Variants in FNDC3A observed in about 807,000 individuals in gnomAD.
FNDC3A encodes the protein fibronectin type-III domain-containing protein 3A.
Under a neutral mutation model 148.9 loss-of-function variants are expected in FNDC3A, and 32 were observed. The ratio of observed to expected loss-of-function variants is 0.21; its 90% CI spans 0.16 to 0.29. The LOEUF (loss-of-function observed/expected upper bound fraction) is 0.29. Among genes scored for constraint, FNDC3A ranks in the 10% least tolerant of loss-of-function variants. The pLI is 1.00. For synonymous variants in FNDC3A, 472 were observed against 473.6 expected (o/e 1.00, Z 0.04); for missense variants, 1,191 against 1,452.8 (o/e 0.82, Z 2.93).
chr13:49,202,806 C>A (rs1164133471), intron 24 of FNDC3A, among the ~76,000 whole-genome samples: 1 of 152,106 alleles, frequency 6.6e-6, no homozygotes, highest in Non-Finnish European at 1.5e-5. Context: ...AGTATTGAGA[C>A]CAACGTGGGC....
chr13:49,168,491 C>T, intron 9 of FNDC3A, 122 bp from the exon 10 acceptor site: 2 of 584,054 alleles, frequency 3.4e-6, no homozygotes, highest in South Asian at 3.8e-5. Context: ...TTCTAATAGT[C>T]ATATTTTCTT....
intron 8 of FNDC3A, among the ~76,000 whole-genome samples, chr13:49,165,373 A>G (rs1454206751): frequency 2.0e-5 from 3 of 152,162 alleles, no homozygotes; most frequent in African/African-American, 7.2e-5. Context: ...GTTGGGTAGA[A>G]CACTTTGACT....
intron 1 of FNDC3A, among the ~76,000 whole-genome samples, chr13:48,988,523 A>T (rs764919051): frequency 1.8e-4 from 27 of 152,208 alleles, no homozygotes; most frequent in Non-Finnish European, 2.9e-4. Context: ...GATAAAAGCC[A>T]TAATATAGTA....
In FNDC3A at chr13:49,151,574, G is replaced by GT. The variant is rs1021298027; in HGVS notation, c.977+5647dup. Among the ~76,000 whole-genome samples, 48 of 151,478 alleles carry GT rather than the reference G, an allele frequency of 3.2e-4. No individual in the cohort carries two copies. In the East Asian group the frequency reaches 4.1e-3, roughly 13 times the overall value. Reference sequence around the variant, plus strand: ...AGTAGAAAGTTTTTTGTTTCTTTTTGTTTTTTTTATTATTATTATACTTTA... The same window carrying GT: ...AGTAGAAAGTTTTTTGTTTCTTTTTGTTTTTTTTTATTATTATTATACTTTA... On this transcript the variant is annotated intron_variant, in intron 8 of 25. Transcript: ENST00000492622.
chr13:48,991,642 C>G (rs978360709), intron 1 of FNDC3A, among the ~76,000 whole-genome samples: 5 of 151,352 alleles, frequency 3.3e-5, no homozygotes, highest in African/African-American at 4.9e-5. Flanking sequence ...GAGCTATGCT[C>G]ACACCACTGC....
intron 4 of FNDC3A, among the ~76,000 whole-genome samples, chr13:49,115,211 T>A (rs1455746777): frequency 5.2e-5 from 6 of 115,230 alleles, no homozygotes; most frequent in African/African-American, 9.5e-5. Flanking sequence ...AAAAAAAAAA[T>A]CAGTATCTCC....
intron 4 of FNDC3A, among the ~76,000 whole-genome samples, chr13:49,122,996 A>G (rs1353315791): frequency 2.0e-5 from 3 of 152,196 alleles, no homozygotes; most frequent in Non-Finnish European, 2.9e-5. Context: ...TAGAAAAACT[A>G]CTTTAAATTT....
chr13:49,053,986 T>C (rs748033738), intron 2 of FNDC3A, among the ~76,000 whole-genome samples: 3 of 152,130 alleles, frequency 2.0e-5, no homozygotes, highest in Non-Finnish European at 4.4e-5. Flanking sequence ...TAGAGTCAGG[T>C]TGGAGTTTGG....
At chr13:49,029,292 A>T (rs1416133416) in intron 2 of FNDC3A, among the ~76,000 whole-genome samples, 1 of 152,246 alleles carries the variant, frequency 6.6e-6, no homozygotes, top group Non-Finnish European at 1.5e-5. Context: ...ACAAATATGT[A>T]TAAATTAAAG....
At chr13:49,005,784 A>G (rs369320192) in intron 1 of FNDC3A, among the ~76,000 whole-genome samples, 2 of 152,050 alleles carry the variant, frequency 1.3e-5, no homozygotes, top group East Asian at 1.9e-4. Flanking sequence ...GCCTCACTCA[A>G]TCACTGTATC....
chr13:49,097,895 G>A (rs939844725), intron 3 of FNDC3A, among the ~76,000 whole-genome samples: 1 of 152,086 alleles, frequency 6.6e-6, no homozygotes, highest in Non-Finnish European at 1.5e-5. Flanking sequence ...TGAAATTACA[G>A]TAAATTGTAA....
rs576518824 is a variant in FNDC3A at position 49,063,627 on chromosome 13, A to C, written c.100-11662A>C. ...GGTATACATTATTCCTTGTATCACA[A>C]ATTCCAGGAAAATGAAGATAATGGG... On this transcript the variant is annotated intron_variant, in intron 2 of 25. Transcript: ENST00000492622. Among the ~76,000 whole-genome samples the C allele has an allele frequency of 4.9e-4, 75 of 152,298 alleles. 2 individuals carry two copies. The South Asian group carries it at 0.015, about 31-fold the overall frequency.
chr13:49,054,428 A>G (rs1426222822), intron 2 of FNDC3A, among the ~76,000 whole-genome samples: 2 of 152,208 alleles, frequency 1.3e-5, no homozygotes. Context: ...ACTGCCCCAC[A>G]CATTGCACAG....
At chr13:49,019,230 A>C (rs1342684987) in intron 2 of FNDC3A, among the ~76,000 whole-genome samples, 1 of 152,202 alleles carries the variant, frequency 6.6e-6, no homozygotes, top group African/African-American at 2.4e-5. Context: ...TTGATCTCAG[A>C]CTGCTGTGCT....
chr13:49,194,355 C>T (rs1886044634), intron 19 of FNDC3A, among the ~76,000 whole-genome samples: 1 of 152,154 alleles, frequency 6.6e-6, no homozygotes, highest in African/African-American at 2.4e-5. Flanking sequence ...AACTATCTGC[C>T]ATAGTTCATT....
At chr13:49,141,457 C>G (rs1430662708) in intron 7 of FNDC3A, among the ~76,000 whole-genome samples, 1 of 152,150 alleles carries the variant, frequency 6.6e-6, no homozygotes, top group African/African-American at 2.4e-5. Context: ...CTATCTAACT[C>G]CAAGTTTCCT....
At chr13:49,199,132 C>CA (rs1245980810) in intron 23 of FNDC3A, among the ~76,000 whole-genome samples, 1 of 152,020 alleles carries the variant, frequency 6.6e-6, no homozygotes, top group African/African-American at 2.4e-5. Context: ...GCCATCCTCC[C>CA]ACCTCAGCTC....
chr13:49,092,354 A>T (rs1879244373), intron 3 of FNDC3A, among the ~76,000 whole-genome samples: 1 of 152,198 alleles, frequency 6.6e-6, no homozygotes. Flanking sequence ...TGGTTGTAGG[A>T]GGGGCCAAAT....
chr13:49,198,879 A>T (rs1886288804), intron 23 of FNDC3A, among the ~76,000 whole-genome samples: 2 of 152,190 alleles, frequency 1.3e-5, no homozygotes, highest in African/African-American at 2.4e-5. Flanking sequence ...CCTGTTTATA[A>T]TTTGTGAGTG....
Sources: gnomAD v4.1 joint callset for allele counts (sites outside exome capture counted in the v4.1 genomes callset) on GRCh38, gnomAD v4.1.1 for gene constraint, MANE v1.5 for transcripts, NCBI Gene and HGNC (gene_info 2026-07-23, HGNC 2026-07-21) for gene names.